TPTE2: variants seen among roughly 807,000 people sequenced by gnomAD.
TPTE2 encodes the protein phosphatidylinositol 3,4,5-trisphosphate 3-phosphatase TPTE2.
TPTE2 carries 53 observed loss-of-function variants against 78.6 expected under a neutral mutation model. The observed-to-expected ratio is 0.67, with a 90% CI of 0.54 to 0.85. The LOEUF is 0.85. Ranked by LOEUF, TPTE2 falls within the 40% of genes least tolerant of loss-of-function variation. TPTE2 has a pLI of 0.00. For synonymous variants in TPTE2, 175 were observed against 206.2 expected (o/e 0.85, Z 1.30); for missense variants, 461 against 623.0 (o/e 0.74, Z 2.77).
chr13:19,460,330 G>C lies in TPTE2; in HGVS notation c.741+4126C>G, dbSNP rs1381080910. Among the ~76,000 whole-genome samples, 3 of 152,182 alleles carry C rather than the reference G, an allele frequency of 2.0e-5. No individual in the cohort carries two copies. In the East Asian group the frequency reaches 5.8e-4, roughly 29 times the overall value. ...TTTCCTTTGGCTCCATGCCGCCCCC[G>C]GCTGGGCCATCGCACCCTCTGCCTG... On this transcript the variant is annotated intron_variant, in intron 10 of 19. Transcript: ENST00000400230.
At chr13:19,525,869 A>G (rs1294574328) in intron 1 of TPTE2, among the ~76,000 whole-genome samples, 2 of 152,124 alleles carry the variant, frequency 1.3e-5, no homozygotes, top group East Asian at 3.9e-4. Flanking sequence ...CACTAAAAAA[A>G]AAGGAGGGGG....
At chr13:19,447,456 C>T (rs1189487331) in intron 13 of TPTE2, among the ~76,000 whole-genome samples, 1 of 152,076 alleles carries the variant, frequency 6.6e-6, no homozygotes, top group African/African-American at 2.4e-5. Context: ...TCAAATGATT[C>T]AACCTCTATA....
intron 9 of TPTE2, 115 bp downstream of exon 12, chr13:19,465,140 A>C: frequency 2.9e-6 from 4 of 1,356,866 alleles, no homozygotes; most frequent in Non-Finnish European, 4.2e-6. Context: ...ACAGTGGCAT[A>C]TATTCTCAAG....
intron 4 of TPTE2, among the ~76,000 whole-genome samples, chr13:19,479,092 G>A (rs1201319412): frequency 6.6e-6 from 1 of 151,978 alleles, no homozygotes; most frequent in Non-Finnish European, 1.5e-5. Context: ...ACACCAACAT[G>A]GCACATGCAT....
intron 1 of TPTE2, among the ~76,000 whole-genome samples, chr13:19,511,765 T>G (rs549304258): frequency 2.0e-5 from 3 of 152,300 alleles, no homozygotes; most frequent in Admixed American, 1.3e-4. Flanking sequence ...ATGTAAGAAT[T>G]TATAAGTTCA....
upstream of TPTE2, chr13:19,505,749 G>T (rs964202608): frequency 6.6e-6 from 1 of 152,058 alleles, no homozygotes; most frequent in African/African-American, 2.4e-5. Flanking sequence ...CCTGTTACCT[G>T]TTACCTCCTC....
chr13:19,521,364 G>C (rs1295288616), intron 1 of TPTE2, among the ~76,000 whole-genome samples: 1 of 140,684 alleles, frequency 7.1e-6, no homozygotes, highest in Non-Finnish European at 1.6e-5. Context: ...TTTTTTTTCT[G>C]CTTTTTTATC....
At chr13:19,464,163 G>A (rs1879111551) in intron 10 of TPTE2, among the ~76,000 whole-genome samples, 1 of 152,204 alleles carries the variant, frequency 6.6e-6, no homozygotes, top group East Asian at 1.9e-4. Context: ...AATGAGCTTA[G>A]TTGAGACAGG....
chr13:19,561,422 A>G, the TPTE2 span, among the ~76,000 whole-genome samples: 5 of 151,838 alleles, frequency 3.3e-5, no homozygotes, highest in African/African-American at 1.2e-4. Context: ...CCGCCCCCCA[A>G]CCTAAGCACA....
At chr13:19,430,728 T>C (rs1876519954) in intron 16 of TPTE2, among the ~76,000 whole-genome samples, 181 bp from the exon 20 acceptor site, 1 of 152,248 alleles carries the variant, frequency 6.6e-6, no homozygotes, top group African/African-American at 2.4e-5. Context: ...AGCCCATTTC[T>C]GTCTCCTAAA....
intron 10 of TPTE2, among the ~76,000 whole-genome samples, chr13:19,459,828 T>TTC (rs1185812614): frequency 6.6e-6 from 1 of 152,222 alleles, no homozygotes; most frequent in Non-Finnish European, 1.5e-5. Flanking sequence ...ATTGTCTGTA[T>TTC]TCTCCATAGC....
At chr13:19,553,367 T>G in the TPTE2 span, among the ~76,000 whole-genome samples, 4 of 152,300 alleles carry the variant, frequency 2.6e-5, no homozygotes, top group Admixed American at 2.0e-4. Context: ...TACAATCACC[T>G]TGGAAAACAG....
intron 6 of TPTE2, among the ~76,000 whole-genome samples, chr13:19,472,881 G>T (rs1006471072): frequency 1.3e-5 from 2 of 152,176 alleles, no homozygotes; most frequent in African/African-American, 4.8e-5. Flanking sequence ...AAAGAACTTG[G>T]ATATTGTGAT....
At chr13:19,435,422 TGGAGAGTGGGGTTGA>T (rs1462354055) in intron 15 of TPTE2, among the ~76,000 whole-genome samples, 3 of 151,198 alleles carry the variant, frequency 2.0e-5, no homozygotes, top group African/African-American at 4.9e-5. Flanking sequence ...AAAGCAAGAG[TGGAGAGTGGGGTTGA>T]GGGGTGTGAG....
intron 1 of TPTE2, among the ~76,000 whole-genome samples, chr13:19,510,565 T>C (rs868397245): frequency 2.0e-5 from 3 of 152,102 alleles, no homozygotes; most frequent in Admixed American, 6.6e-5. Flanking sequence ...ACCTCCAACA[T>C]TGGGGATCAA....
exon 2 of TPTE2, chr13:19,493,450 T>G: frequency 6.2e-7 from 1 of 1,613,874 alleles, no homozygotes; most frequent in Non-Finnish European, 8.5e-7. Flanking sequence ...TTACTTACCT[T>G]TCTTTCGCAG....
chr13:19,468,103 T>G (rs1219203500), intron 6 of TPTE2, among the ~76,000 whole-genome samples: 2 of 140,584 alleles, frequency 1.4e-5, no homozygotes, highest in Admixed American at 1.5e-4. Context: ...TGCAATGGCG[T>G]GATCTCGGCT....
the TPTE2 span, chr13:19,561,298 C>T: frequency 1.1e-5 from 10 of 934,780 alleles, no homozygotes; most frequent in South Asian, 1.9e-4. Flanking sequence ...CCTGCCCCAG[C>T]ATGCCGATCC....
chr13:19,544,917 AAC>A, the TPTE2 span, among the ~76,000 whole-genome samples: 2 of 142,220 alleles, frequency 1.4e-5, no homozygotes, highest in African/African-American at 5.3e-5. Context: ...CAAAAAGCAA[AAC>A]ACACACGTGC....
Sources: gnomAD v4.1 joint callset for allele counts (sites outside exome capture counted in the v4.1 genomes callset) on GRCh38, gnomAD v4.1.1 for gene constraint, MANE v1.5 for transcripts, NCBI Gene and HGNC (gene_info 2026-07-23, HGNC 2026-07-21) for gene names.